COMMD1: variants seen among roughly 807,000 people sequenced by gnomAD.
COMMD1 encodes the protein COMM domain-containing protein 1.
Under a neutral mutation model 17.2 loss-of-function variants are expected in COMMD1, and 10 were observed. The observed-to-expected ratio is 0.58, with a 90% CI of 0.36 to 0.99. The LOEUF (loss-of-function observed/expected upper bound fraction) is 0.99. Among genes scored for constraint, COMMD1 ranks in the 50% least tolerant of loss-of-function variants. The pLI, the probability that COMMD1 is intolerant of heterozygous loss-of-function variation, is 0.01. For synonymous variants in COMMD1, 97 were observed against 91.6 expected (o/e 1.06, Z -0.34); for missense variants, 270 against 231.8 (o/e 1.17, Z -1.07).
intron 2 of COMMD1, among the ~76,000 whole-genome samples, chr2:62,008,237 C>A (rs555928864): frequency 1.4e-4 from 22 of 152,174 alleles, no homozygotes; most frequent in African/African-American, 5.3e-4. Flanking sequence ...TGGTCATGTA[C>A]CACTGTAGCT....
intron 2 of COMMD1, chr2:62,079,891 A>G (rs1255196400): frequency 6.6e-6 from 1 of 152,224 alleles, no homozygotes; most frequent in Non-Finnish European, 1.5e-5. Context: ...TTTATGTAGC[A>G]TTTAAATAAA....
chr2:62,068,532 C>T, intron 2 of COMMD1, among the ~76,000 whole-genome samples: 1 of 150,328 alleles, frequency 6.7e-6, no homozygotes, highest in East Asian at 1.9e-4. Context: ...AAAGTTACTA[C>T]AAGGATAGTA....
intron 1 of COMMD1, among the ~76,000 whole-genome samples, chr2:61,896,862 C>T (rs1389843549): frequency 6.4e-5 from 9 of 139,586 alleles, no homozygotes; most frequent in East Asian, 2.1e-4. Flanking sequence ...CTTGCTCTGT[C>T]GCCCAGGCTG....
chr2:61,997,680 G>A lies in COMMD1; in HGVS notation c.181-3021G>A, dbSNP rs183096955. The stretch of plus-strand genomic sequence containing the variant: ...TTTGTTGTTCCATTTATAGAGCACG[G>A]GCAGAGTAGATTTAACATCATTCTT... On this transcript the variant is annotated intron_variant, in intron 1 of 2. Transcript: ENST00000311832. Among the ~76,000 whole-genome samples, 259 of 152,246 alleles carry A rather than the reference G, an allele frequency of 1.7e-3. 1 individual carries two copies. Among genetic ancestry groups the A allele is most frequent in the African/African-American group, 5.9e-3 (244 of 41,548 alleles).
Position 62,057,464 on chromosome 2 carries a change from A to C in COMMD1, c.462+56482A>C, listed in dbSNP as rs546934218. On this transcript the variant is annotated intron_variant, in intron 2 of 2. Coordinates refer to ENST00000311832, the MANE Select transcript of COMMD1 (RefSeq NM_152516.4). ...GGATTTGATTTGCTAATGTTCTATT[A>C]AGATTGTGTGTTTATGAAGAATTTT... Among the ~76,000 whole-genome samples, 111 of 152,262 alleles carry C rather than the reference A, an allele frequency of 7.3e-4. 1 individual carries two copies. Among genetic ancestry groups the C allele is most frequent in the African/African-American group, 2.6e-3 (108 of 41,550 alleles).
intron 2 of COMMD1, among the ~76,000 whole-genome samples, chr2:62,059,909 T>C (rs985714714): frequency 3.3e-5 from 5 of 152,156 alleles, no homozygotes; most frequent in Admixed American, 1.3e-4. Context: ...TATTCCTGTT[T>C]ATCCTTTTTT....
intron 1 of COMMD1, among the ~76,000 whole-genome samples, chr2:61,948,669 C>G (rs992330340): frequency 6.6e-6 from 1 of 152,074 alleles, no homozygotes; most frequent in African/African-American, 2.4e-5. Flanking sequence ...AAATATTTTT[C>G]TAGTGGATAG....
intron 2 of COMMD1, chr2:62,055,564 A>G (rs531609832): frequency 2.2e-5 from 9 of 418,544 alleles, no homozygotes; most frequent in Non-Finnish European, 3.8e-5. Context: ...CCCTGCATTA[A>G]AAGACAAGCC....
At chr2:62,073,360 C>A (rs1671252728) in intron 2 of COMMD1, among the ~76,000 whole-genome samples, 2 of 152,204 alleles carry the variant, frequency 1.3e-5, no homozygotes. Context: ...GCCTGCTACC[C>A]ATGAGGCTTT....
At chr2:62,085,966 A>G (rs1671657370) in intron 2 of COMMD1, among the ~76,000 whole-genome samples, 2 of 151,882 alleles carry the variant, frequency 1.3e-5, no homozygotes, top group Non-Finnish European at 2.9e-5. Context: ...CGACAGAGCA[A>G]GACTCTGTCT....
intron 2 of COMMD1, among the ~76,000 whole-genome samples, chr2:62,130,126 G>A (rs1251413735): frequency 6.8e-6 from 1 of 146,090 alleles, no homozygotes; most frequent in African/African-American, 2.6e-5. Flanking sequence ...AATGAGCCGA[G>A]ATCGCGCCAG....
intron 1 of COMMD1, among the ~76,000 whole-genome samples, chr2:61,940,834 C>T (rs144720989): frequency 2.8e-3 from 426 of 150,486 alleles, no homozygotes; most frequent in African/African-American, 9.6e-3. Flanking sequence ...CTACAGGCGC[C>T]TGCCACCATG....
intron 2 of COMMD1, among the ~76,000 whole-genome samples, chr2:62,084,218 G>T (rs184024848): frequency 6.6e-6 from 1 of 151,980 alleles, no homozygotes; most frequent in African/African-American, 2.4e-5. Flanking sequence ...ACTCCCCCAC[G>T]CCCAGCATAG....
At chr2:62,053,250 G>T (rs1045764176) in intron 2 of COMMD1, among the ~76,000 whole-genome samples, 2 of 152,038 alleles carry the variant, frequency 1.3e-5, no homozygotes, top group South Asian at 2.1e-4. Context: ...AAGAAATTGG[G>T]GTCTCTGGAA....
intron 2 of COMMD1, among the ~76,000 whole-genome samples, chr2:62,045,288 AC>A (rs1670347103): frequency 6.6e-6 from 1 of 151,978 alleles, no homozygotes; most frequent in Non-Finnish European, 1.5e-5. Context: ...GATCTGAAAA[AC>A]ATCTTTAAAA....
intron 2 of COMMD1, among the ~76,000 whole-genome samples, chr2:62,107,463 G>A (rs750037924): frequency 2.6e-5 from 4 of 152,136 alleles, no homozygotes; most frequent in African/African-American, 9.7e-5. Flanking sequence ...TGCATTCTGG[G>A]GCTGTTGTAC....
At chr2:62,033,033 G>C (rs1669950815) in intron 2 of COMMD1, among the ~76,000 whole-genome samples, 1 of 152,302 alleles carries the variant, frequency 6.6e-6, no homozygotes, top group South Asian at 2.1e-4. Context: ...GCCTCCCAAA[G>C]TGCTGGGATT....
At chr2:61,973,670 G>C (rs1671711201) in intron 1 of COMMD1, among the ~76,000 whole-genome samples, 1 of 152,114 alleles carries the variant, frequency 6.6e-6, no homozygotes, top group East Asian at 1.9e-4. Context: ...ATGTCAGTAT[G>C]TAATAGTACG....
chr2:62,038,244 C>T (rs989125642), intron 2 of COMMD1, among the ~76,000 whole-genome samples: 1 of 152,114 alleles, frequency 6.6e-6, no homozygotes, highest in Non-Finnish European at 1.5e-5. Context: ...GCCGAGATGG[C>T]GCCATTGCAC....
Sources: allele counts gnomAD v4.1 joint callset (sites outside exome capture counted in the v4.1 genomes callset), GRCh38; gene constraint gnomAD v4.1.1; transcripts MANE v1.5; gene names NCBI Gene and HGNC (gene_info 2026-07-23, HGNC 2026-07-21).